The following ARNT variants were observed in gnomAD, a reference collection of about 807,000 sequenced individuals.
ARNT encodes the protein class E basic helix-loop-helix protein 2.
Under a neutral mutation model 105.0 loss-of-function variants are expected in ARNT, and 30 were observed. That is an observed-to-expected ratio of 0.29 (90% CI 0.21 to 0.39). ARNT has a LOEUF of 0.39. Among genes scored for constraint, ARNT ranks in the 10% least tolerant of loss-of-function variants. The pLI, the probability that ARNT is intolerant of heterozygous loss-of-function variation, is 1.00. For missense variants in ARNT, 748 were observed against 978.7 expected, an observed-to-expected ratio of 0.76 and a Z score of 3.15; for synonymous variants, 304 against 344.0, an observed-to-expected ratio of 0.88 and a Z score of 1.29.
At chr1:150,850,249 C>T (rs1663074617) in intron 3 of ARNT, among the ~76,000 whole-genome samples, 1 of 151,938 alleles carries the variant, frequency 6.6e-6, no homozygotes, top group Non-Finnish European at 1.5e-5. Flanking sequence ...AGCCCTCTCC[C>T]TCTCCATCTC....
chr1:150,856,853 G>A (rs1267832506), intron 2 of ARNT, among the ~76,000 whole-genome samples: 1 of 152,188 alleles, frequency 6.6e-6, no homozygotes, highest in Non-Finnish European at 1.5e-5. Context: ...CCAGTACTTT[G>A]GGAGGCCAAG....
intron 19 of ARNT, among the ~76,000 whole-genome samples, chr1:150,815,859 G>A (rs1188255644): frequency 6.3e-5 from 5 of 78,916 alleles, no homozygotes; most frequent in Non-Finnish European, 1.1e-4. Flanking sequence ...GCAAGACTCT[G>A]TCTCAAAAAA....
At chr1:150,853,800 G>A (rs889232632) in intron 2 of ARNT, among the ~76,000 whole-genome samples, 1 of 152,164 alleles carries the variant, frequency 6.6e-6, no homozygotes, top group African/African-American at 2.4e-5. Context: ...GATTAGGAAA[G>A]ATTATAAACA....
intron 1 of ARNT, among the ~76,000 whole-genome samples, chr1:150,861,846 A>G (rs1236873123): frequency 6.6e-6 from 1 of 152,236 alleles, no homozygotes; most frequent in Non-Finnish European, 1.5e-5. Flanking sequence ...TGTAATGTAC[A>G]GTGTTCTGTA....
chr1:150,833,942 T>C (rs1195796289), intron 8 of ARNT, among the ~76,000 whole-genome samples: 5 of 151,874 alleles, frequency 3.3e-5, no homozygotes, highest in Non-Finnish European at 7.4e-5. Flanking sequence ...TTTTTCTTTT[T>C]TTTTTTTTTG....
At chr1:150,867,120 T>C (rs976457791) in intron 1 of ARNT, among the ~76,000 whole-genome samples, 4 of 151,876 alleles carry the variant, frequency 2.6e-5, no homozygotes, top group Non-Finnish European at 4.4e-5. Context: ...ACAAAAATCA[T>C]TTGAACCTAG....
At chr1:150,866,048 T>A (rs1666534510) in intron 1 of ARNT, among the ~76,000 whole-genome samples, 1 of 151,738 alleles carries the variant, frequency 6.6e-6, no homozygotes, top group African/African-American at 2.4e-5. Flanking sequence ...AGTGGCGTGA[T>A]CTCGGCTCAC....
chr1:150,872,308 T>C (rs914755668), intron 1 of ARNT, among the ~76,000 whole-genome samples: 6 of 152,154 alleles, frequency 3.9e-5, no homozygotes, highest in African/African-American at 9.7e-5. Context: ...TATTTTCCCA[T>C]ATCTGAAAAA....
rs587689782 is a variant in ARNT, at chr1:150,851,667, A to G, written c.182+1095T>C. ...ACAGATGCTTGAAGGCAGCATGCGC[A>G]TTAAGAGTCATCACCACTCCCTAAT... On this transcript the variant is annotated intron_variant, in intron 3 of 21. Transcript: ENST00000358595. Among the ~76,000 whole-genome samples the G allele has an allele frequency of 7.3e-3, 1,101 of 150,316 alleles. 6 individuals are homozygous for G. The highest frequency in any genetic ancestry group is 1.0e-2 in the Non-Finnish European group (672 of 67,360).
chr1:150,862,326 C>T (rs775013426), intron 1 of ARNT, among the ~76,000 whole-genome samples: 63 of 152,040 alleles, frequency 4.1e-4, no homozygotes, highest in Non-Finnish European at 7.9e-4. Flanking sequence ...TTGCCCATTA[C>T]CTGCCAAGGA....
intron 15 of ARNT, 102 bp from the exon 16 acceptor site, chr1:150,817,535 T>TGAGCCACCATGCCC: frequency 9.1e-7 from 1 of 1,101,748 alleles, no homozygotes; most frequent in Non-Finnish European, 1.3e-6. Flanking sequence ...AGGCCGGGCA[T>TGAGCCACCATGCCC]GGTGGCTCAT....
At chr1:150,818,333 A>C (rs1318175164) in intron 14 of ARNT, 8 of 226,360 alleles carry the variant, frequency 3.5e-5, no homozygotes. Flanking sequence ...TTAAAAGCAT[A>C]GGTAAAAAAA....
At chr1:150,832,586 G>T (rs191746556) in intron 8 of ARNT, among the ~76,000 whole-genome samples, 187 bp from the exon 9 acceptor site, 1 of 152,194 alleles carries the variant, frequency 6.6e-6, no homozygotes, top group Non-Finnish European at 1.5e-5. Context: ...AAGTCAAAAT[G>T]TTCCATATGT....
chr1:150,852,697 A>C (rs1663850054), intron 3 of ARNT, 65 bp downstream of exon 3: 1 of 1,457,528 alleles, frequency 6.9e-7, no homozygotes, highest in Non-Finnish European at 9.5e-7. Flanking sequence ...TACAAGTCAG[A>C]AGTATAAAGA....
chr1:150,850,648 G>A (rs1198726269), intron 3 of ARNT, among the ~76,000 whole-genome samples: 2 of 152,230 alleles, frequency 1.3e-5, no homozygotes, highest in African/African-American at 2.4e-5. Flanking sequence ...CCACCTCCCA[G>A]CCGCCTGCCT....
chr1:150,834,506 T>A, intron 8 of ARNT, 32 bp downstream of exon 8: 1 of 1,601,884 alleles, frequency 6.2e-7, no homozygotes, highest in Non-Finnish European at 8.6e-7. Flanking sequence ...ATCCTTCCTA[T>A]ACCAAATCAC....
intron 13 of ARNT, among the ~76,000 whole-genome samples, chr1:150,825,469 T>A (rs767784545): frequency 8.5e-5 from 13 of 152,176 alleles, no homozygotes; most frequent in African/African-American, 1.2e-4. Flanking sequence ...GTCTATAAAA[T>A]TCACCAGATA....
intron 17 of ARNT, 83 bp downstream of exon 17, chr1:150,816,999 G>A: frequency 6.2e-7 from 1 of 1,605,408 alleles, no homozygotes; most frequent in Admixed American, 1.7e-5. Context: ...AAAAACACTG[G>A]AAGATTACTG....
chr1:150,856,255 C>T (rs587637065), intron 2 of ARNT, among the ~76,000 whole-genome samples: 2 of 151,918 alleles, frequency 1.3e-5, no homozygotes, highest in Admixed American at 6.6e-5. Flanking sequence ...CTGGCTAACA[C>T]GGTGAAACCC....
Sources: gnomAD v4.1 joint callset for allele counts (sites outside exome capture counted in the v4.1 genomes callset) on GRCh38, gnomAD v4.1.1 for gene constraint, MANE v1.5 for transcripts, NCBI Gene and HGNC (gene_info 2026-07-23, HGNC 2026-07-21) for gene names.